VIPAS39: variants seen among roughly 807,000 people sequenced by gnomAD.
VIPAS39 encodes the protein VPS33B interacting protein, apical-basolateral polarity regulator, spe-39 homolog, also known as spermatogenesis-defective protein 39 homolog.
VIPAS39 carries 63 observed loss-of-function variants against 84.7 expected under a neutral mutation model. The ratio of observed to expected loss-of-function variants is 0.74; its 90% confidence interval spans 0.61 to 0.92. VIPAS39 has a LOEUF of 0.92. Among genes scored for constraint, VIPAS39 ranks in the 40% least tolerant of loss-of-function variants. The pLI is 0.00. For synonymous variants in VIPAS39, 192 were observed against 216.5 expected, an observed-to-expected ratio of 0.89 and a Z score of 0.99; for missense variants, 499 against 604.5, an observed-to-expected ratio of 0.83 and a Z score of 1.83.
In VIPAS39 at chr14:77,457,586, G is replaced by GGGGGCGGAAGGGAATAATCGT; in HGVS notation, c.-93_-92insACGATTATTCCCTTCCGCCCC. 1 of 570,222 alleles carries GGGGGCGGAAGGGAATAATCGT rather than the reference G, an allele frequency of 1.8e-6. No individual in the cohort carries two copies. Among genetic ancestry groups the GGGGGCGGAAGGGAATAATCGT allele is most frequent in the South Asian group, 2.2e-5 (1 of 45,518 alleles). The allele number at this position is 570,222 out of a possible 1,614,324, so 35.3% of individuals were successfully genotyped here. A position where few individuals can be genotyped will look rare whatever the true frequency, so the allele number is the denominator to read the frequency against. ...TATTCAGGCTGTGCAGCTTAGAGAA[G>GGGGGCGGAAGGGAATAATCGT]GGGGCGGAAGGGAATAATCGTAGGG... On this transcript the variant is annotated 5_prime_UTR_variant, in exon 1 of 20. Coordinates refer to ENST00000557658, the MANE Select transcript of VIPAS39 (RefSeq NM_001193315.2).
At position 77,429,670 on chromosome 14, in the gene VIPAS39, G is replaced by A; in HGVS notation, c.1266+11C>T. 1 of 1,613,876 alleles carries A rather than the reference G, an allele frequency of 6.2e-7. No individual in the cohort carries two copies. Among genetic ancestry groups the A allele is most frequent in the Non-Finnish European group, 8.5e-7 (1 of 1,179,774 alleles). On this transcript the variant is annotated intron_variant, in intron 17 of 19. Coordinates refer to ENST00000557658, the MANE Select transcript of VIPAS39 (RefSeq NM_001193315.2). ...AATATCCTGTACCCAACTCTCTTCA[G>A]GACCCATTACCTGCACAGGGGCATT...
At chr14:77,436,576 C>T (rs1389066350) in intron 12 of VIPAS39, among the ~76,000 whole-genome samples, 1 of 152,164 alleles carries the variant, frequency 6.6e-6, no homozygotes, top group South Asian at 2.1e-4. Flanking sequence ...TCCAGAGTAG[C>T]TGGGACTACA....
intron 7 of VIPAS39, among the ~76,000 whole-genome samples, chr14:77,445,915 G>A (rs551559432): frequency 1.4e-4 from 21 of 150,364 alleles, no homozygotes; most frequent in African/African-American, 3.9e-4. Context: ...ACTCCAGCCC[G>A]GGCGACAGAA....
intron 3 of VIPAS39, 120 bp from the exon 4 acceptor site, chr14:77,451,453 C>A (rs2078880280): frequency 6.9e-7 from 1 of 1,454,394 alleles, no homozygotes; most frequent in South Asian, 1.2e-5. Context: ...CAACTTGGGG[C>A]AGGGAGAAAA....
chr14:77,455,994 T>C (rs2078954550), intron 1 of VIPAS39, among the ~76,000 whole-genome samples: 1 of 152,236 alleles, frequency 6.6e-6, no homozygotes, highest in African/African-American at 2.4e-5. Context: ...TTCTCTTAAT[T>C]CTGAGCAAAG....
chr14:77,434,309 ATGAAAG>A lies in VIPAS39; in HGVS notation c.1048-12_1048-7del, dbSNP rs1566724317. On this transcript the variant is annotated splice_polypyrimidine_tract_variant and splice_region_variant and intron_variant, in intron 14 of 19. Coordinates refer to ENST00000557658, the MANE Select transcript of VIPAS39 (RefSeq NM_001193315.2). ...ACGGGACTGCTGAATGTCCCCTAGGATGAAAGTGAAAAAGGAACTTTAGTGATATTG... is the reference window on the plus strand; with the variant it reads ...ACGGGACTGCTGAATGTCCCCTAGGATGAAAAAGGAACTTTAGTGATATTG... 2 of 1,614,062 alleles carry A rather than the reference ATGAAAG, an allele frequency of 1.2e-6. No homozygotes were observed. Among genetic ancestry groups the A allele is most frequent in the East Asian group, 4.5e-5 (2 of 44,862 alleles).
At position 77,434,256 on chromosome 14, in the gene VIPAS39, A is replaced by G. The variant is rs1465405710; in HGVS notation, c.1089+6T>C. ...AGTTTCATAACACTGACCAATTTGT[A>G]TCTACCTTAAATGTCTTCTTCAGGT... On this transcript the variant is annotated splice_donor_region_variant and intron_variant, in intron 15 of 19. Coordinates refer to ENST00000557658, the MANE Select transcript of VIPAS39 (RefSeq NM_001193315.2). 2.5e-6 allele frequency: 4 copies of G among 1,613,938 alleles called. No individual in the cohort carries two copies. In the South Asian group the frequency reaches 3.3e-5, roughly 13 times the overall value.
chr14:77,432,690 C>T (rs1013173199), intron 16 of VIPAS39, among the ~76,000 whole-genome samples: 1 of 152,138 alleles, frequency 6.6e-6, no homozygotes, highest in Admixed American at 6.5e-5. Flanking sequence ...ACCTCATGAT[C>T]TCACTCATGT....
In VIPAS39 at chr14:77,453,509, G is replaced by A. The variant is rs954138956; in HGVS notation, c.94-108C>T. ...TGGGGCCTGAAGGTGGCCAACACTC[G>A]CCCTGTGCAATCGAAAGCCTAGCAT... On this transcript the variant is annotated intron_variant, in intron 2 of 19. Transcript: ENST00000557658. 1.3e-4 allele frequency: 136 copies of A among 1,031,928 alleles called. 1 individual carries two copies. The Middle Eastern group carries it at 1.6e-3, about 12-fold the overall frequency. The allele number at this position is 1,031,928 out of a possible 1,614,324, so 63.9% of individuals were successfully genotyped here.
chr14:77,457,394 A>T (rs1289669530), intron 1 of VIPAS39, 101 bp downstream of exon 1: 28 of 1,535,514 alleles, frequency 1.8e-5, no homozygotes, highest in East Asian at 2.4e-5. Context: ...GCCTGTAGTC[A>T]TAGGGTGTAG....
Position 77,434,374 on chromosome 14 carries a change from T to A in VIPAS39, c.1048-71A>T, listed in dbSNP as rs1295052231. The stretch of plus-strand genomic sequence containing the variant: ...AAGTACCACCCAAGCTCTCATTTTC[T>A]TTCCCACTACAGAGACTTTCTACAT... On this transcript the variant is annotated intron_variant, in intron 14 of 19. Transcript: ENST00000557658. 9 of 1,418,724 alleles carry A rather than the reference T, an allele frequency of 6.3e-6. No individual in the cohort carries two copies. In the Middle Eastern group the frequency reaches 5.2e-4, roughly 83 times the overall value. 87.9% of individuals were successfully genotyped at this position (1,418,724 alleles called of 1,614,324 possible).
intron 11 of VIPAS39, chr14:77,440,558 T>A (rs924318692): frequency 6.4e-6 from 1 of 157,048 alleles, no homozygotes; most frequent in African/African-American, 2.4e-5. Context: ...GTTTATTTTT[T>A]AAAATTTATT....
chr14:77,450,245 T>C lies in VIPAS39; in HGVS notation c.344-493A>G, dbSNP rs2078861135. Among the ~76,000 whole-genome samples the C allele has an allele frequency of 2.0e-5, 3 of 152,218 alleles. No individual in the cohort carries two copies. The South Asian group carries it at 6.2e-4, about 32-fold the overall frequency. On this transcript the variant is annotated intron_variant, in intron 4 of 19. Transcript: ENST00000557658. ...ACAATATTTGTCCCTTTGTGCCTCA[T>C]TTTATTTAGTATCACATCCTCAAGG...
Position 77,442,605 on chromosome 14 carries a change from A to G in VIPAS39, c.689T>C (p.Phe230Ser). The G allele has an allele frequency of 6.2e-7, 1 of 1,614,232 alleles. No homozygotes were observed. Among genetic ancestry groups the G allele is most frequent in the Non-Finnish European group, 8.5e-7 (1 of 1,180,040 alleles). ...CTTTTGATCCCCTATTTCCTTAAGG[A>G]AGTGAATAAGATGTCTCAGGGCAAC... ...RQVALRHLIHFLKEIGDQKLL... is the reference protein window; with the variant it reads ...RQVALRHLIHSLKEIGDQKLL... The change falls in exon 10 of 20, where the codon TTC (phenylalanine) becomes TCC (serine). Residue 230 changes from phenylalanine (F) to serine (S), a missense_variant. By Grantham distance (155) the Phe-to-Ser change is radical (BLOSUM62 -2). Transcript: ENST00000557658.
chr14:77,434,794 G>A (rs1275559053), intron 14 of VIPAS39, among the ~76,000 whole-genome samples: 1 of 151,814 alleles, frequency 6.6e-6, no homozygotes, highest in African/African-American at 2.4e-5. Flanking sequence ...AGCTACTCAG[G>A]AGGCTGAGGC....
chr14:77,427,475 C>A lies in VIPAS39; in HGVS notation c.*141G>T, dbSNP rs2078447463. 4 of 942,562 alleles carry A rather than the reference C, an allele frequency of 4.2e-6. No homozygotes were observed. Among genetic ancestry groups the A allele is most frequent in the African/African-American group, 1.6e-5 (1 of 61,086 alleles). 58.4% of individuals were successfully genotyped at this position (942,562 alleles called of 1,614,324 possible). A position where few individuals can be genotyped will look rare whatever the true frequency, so the allele number is the denominator to read the frequency against. On this transcript the variant is annotated 3_prime_UTR_variant, in exon 20 of 20. Coordinates refer to ENST00000557658, the MANE Select transcript of VIPAS39 (RefSeq NM_001193315.2). ...GGACAGAAGATCAGTCTGAAGTTAT[C>A]TGTGTCAAGAGTAGCTGGCACTGCC...
Position 77,441,076 on chromosome 14 carries a change from T to C in VIPAS39, c.752A>G (p.Glu251Gly). ...AAAGGCCACACTTACCGCAAGCTCT[T>C]CTGTTCTATCTAGGAACCTGGGAAG... ...LDLFRFLDRT[E>G]ELALSHYREH... Residue 251 changes from glutamate (E) to glycine (G), a missense_variant, in exon 11 of 20, where the codon GAA (glutamate) becomes GGA (glycine). Physicochemically the swap from Glu to Gly is moderately conservative, Grantham distance 98 (BLOSUM62 -2). Transcript: ENST00000557658. The C allele has an allele frequency of 6.2e-7, 1 of 1,611,216 alleles. No individual in the cohort carries two copies. Among genetic ancestry groups the C allele is most frequent in the Non-Finnish European group, 8.5e-7 (1 of 1,179,666 alleles).
chr14:77,444,318 G>A lies in VIPAS39; in HGVS notation c.528C>T (p.Arg176=). ...GGAGTTGTAGTTTGTCCTGTAAGGA[G>A]CGGAATCTCTCTAGTGAGCAAACCT... ...KGKVCSLERF[R]SLQDKLQLLE... is the part of the protein sequence containing the mutation. The change falls in exon 8 of 20, where the codon CGC becomes CGT. Residue 176 remains arginine, a synonymous_variant. Coordinates refer to ENST00000557658, the MANE Select transcript of VIPAS39 (RefSeq NM_001193315.2). 1 of 1,613,780 alleles carries A rather than the reference G, an allele frequency of 6.2e-7. No homozygotes were observed. Among genetic ancestry groups the A allele is most frequent in the Non-Finnish European group, 8.5e-7 (1 of 1,179,762 alleles).
In VIPAS39 at chr14:77,428,289, C is replaced by T. The variant is rs2078462115; in HGVS notation, c.1461+81G>A. 9.2e-6 allele frequency: 12 copies of T among 1,305,008 alleles called. No individual in the cohort carries two copies. The Admixed American group carries it at 1.3e-4, about 14-fold the overall frequency. The allele number at this position is 1,305,008 out of a possible 1,614,324, so 80.8% of individuals were successfully genotyped here. A position where few individuals can be genotyped will look rare whatever the true frequency, so the allele number is the denominator to read the frequency against. On this transcript the variant is annotated intron_variant, in intron 19 of 19. Coordinates refer to ENST00000557658, the MANE Select transcript of VIPAS39 (RefSeq NM_001193315.2). ...CTTAGCCAACTGCAATCCTTCCAGACCTTGGGAACATACATTTGGTACTAT... is the reference window on the plus strand; with the variant it reads ...CTTAGCCAACTGCAATCCTTCCAGATCTTGGGAACATACATTTGGTACTAT...
Sources: allele counts gnomAD v4.1 joint callset (sites outside exome capture counted in the v4.1 genomes callset), GRCh38; gene constraint gnomAD v4.1.1; transcripts MANE v1.5; gene names NCBI Gene and HGNC (gene_info 2026-07-23, HGNC 2026-07-21).